The following CPSF3 variants were observed in gnomAD, a reference collection of about 807,000 sequenced individuals.
The protein encoded by CPSF3 is cleavage and polyadenylation specificity factor subunit 3.
Under a neutral mutation model 84.1 loss-of-function variants are expected in CPSF3, and 57 were observed. The observed-to-expected ratio is 0.68, with a 90% CI of 0.55 to 0.85. CPSF3 has a LOEUF of 0.85. CPSF3 is among the 40% of genes least tolerant of loss of function. The probability of loss-of-function intolerance (pLI) is 0.00; values close to 1 mark genes in which losing one functional copy is unlikely to be tolerated. For synonymous variants in CPSF3, 275 were observed against 278.1 expected, an observed-to-expected ratio of 0.99 and a Z score of 0.11; for missense variants, 522 against 838.8, an observed-to-expected ratio of 0.62 and a Z score of 4.66.
At chr2:9,429,041 C>G (rs1329890770) in intron 2 of CPSF3, among the ~76,000 whole-genome samples, 1 of 152,204 alleles carries the variant, frequency 6.6e-6, no homozygotes, top group African/African-American at 2.4e-5. Context: ...GTAAAATTGT[C>G]AGCTAGATCT....
chr2:9,453,470 CA>C (rs1681404143), intron 12 of CPSF3, among the ~76,000 whole-genome samples: 2 of 152,044 alleles, frequency 1.3e-5, no homozygotes, highest in South Asian at 2.1e-4. Context: ...TCTTTAAAAG[CA>C]AAAAAGTATT....
intron 15 of CPSF3, among the ~76,000 whole-genome samples, chr2:9,464,069 A>ATG (rs59473921): frequency 0.074 from 11,028 of 149,166 alleles, 1,219 homozygotes; most frequent in African/African-American, 0.24. Flanking sequence ...TCTGTGGTGT[A>ATG]TGTGTGTGTG....
chr2:9,428,686 A>G lies in CPSF3; in HGVS notation c.51-79A>G, dbSNP rs572116806. 6 of 937,342 alleles carry G rather than the reference A, an allele frequency of 6.4e-6. No individual in the cohort carries two copies. The Admixed American group carries it at 8.0e-5, about 12-fold the overall frequency. 58.1% of individuals were successfully genotyped at this position (937,342 alleles called of 1,614,324 possible). On this transcript the variant is annotated intron_variant, in intron 1 of 17. Coordinates refer to ENST00000238112, the MANE Select transcript of CPSF3 (RefSeq NM_016207.4). ...TGTCATCAGATGGCATGTAGTGTAC[A>G]TTGTAAAAAAGTGTAAGTTTATTGG...
rs939032759 is a variant in CPSF3, at chr2:9,446,463, C to T, written c.1243-1735C>T. On this transcript the variant is annotated intron_variant, in intron 10 of 17. Coordinates refer to ENST00000238112, the MANE Select transcript of CPSF3 (RefSeq NM_016207.4). ...GGGTGTGGTGGCAGGTGCCTGTAGT[C>T]CCAGCTACTCGGGAGGCCGAGGCAG... 3.9e-5 allele frequency among the ~76,000 whole-genome samples: 6 copies of T among 152,088 alleles called. 1 individual carries two copies. In the South Asian group the frequency reaches 6.2e-4, roughly 16 times the overall value.
chr2:9,436,481 T>TA, intron 7 of CPSF3, 120 bp downstream of exon 7: 3 of 1,194,506 alleles, frequency 2.5e-6, no homozygotes, highest in Non-Finnish European at 3.4e-6. Context: ...CATTTAAAAA[T>TA]AGAGATTTGG....
At chr2:9,443,687 T>A in intron 10 of CPSF3, 26 bp downstream of exon 10, 1 of 1,604,804 alleles carries the variant, frequency 6.2e-7, no homozygotes, top group Non-Finnish European at 8.5e-7. Flanking sequence ...TCATTTATTG[T>A]ATTAAAGGGA....
intron 1 of CPSF3, among the ~76,000 whole-genome samples, chr2:9,425,572 C>CAGCCACAAAAGG (rs1168741770): frequency 6.6e-6 from 1 of 151,998 alleles, no homozygotes; most frequent in Non-Finnish European, 1.5e-5. Flanking sequence ...TCAGCTGTAT[C>CAGCCACAAAAGG]TGGAAGGGTG....
At chr2:9,471,279 A>ATT in intron 16 of CPSF3, 64 bp from the exon 17 acceptor site, 3 of 988,312 alleles carry the variant, frequency 3.0e-6, no homozygotes, top group Non-Finnish European at 4.9e-6. Flanking sequence ...CTTCAGTTTT[A>ATT]TTTTTTCCTC....
chr2:9,442,027 G>A (rs768695934), intron 9 of CPSF3, 51 bp downstream of exon 9: 3 of 1,581,348 alleles, frequency 1.9e-6, no homozygotes, highest in Non-Finnish European at 2.6e-6. Flanking sequence ...AATCACGGAG[G>A]TGGCACGGTC....
intron 15 of CPSF3, among the ~76,000 whole-genome samples, chr2:9,466,273 CGCACACACGTGCGCACACAGACGCAT>C (rs1681931843): frequency 6.7e-5 from 3 of 44,816 alleles, no homozygotes; most frequent in Non-Finnish European, 2.4e-4. Context: ...CAAAGACGCA[CGCACACACGTGCGCACACAGACGCAT>C]GCACACGCAC....
rs543166583 is a variant in CPSF3 at position 9,423,658 on chromosome 2, G to C, written c.-116G>C. ...TGCCGCGGGCTCCGGAGTGACGGAA[G>C]TTGTGCTCTTGGTGAATGGGGTTCT... is the stretch of plus-strand genomic sequence containing the variant. On this transcript the variant is annotated 5_prime_UTR_variant, in exon 1 of 18. Coordinates refer to ENST00000238112, the MANE Select transcript of CPSF3 (RefSeq NM_016207.4). 177 of 1,369,222 alleles carry C rather than the reference G, an allele frequency of 1.3e-4. No individual in the cohort carries two copies. The African/African-American group carries it at 2.1e-3, about 16-fold the overall frequency. The allele number at this position is 1,369,222 out of a possible 1,614,324, so 84.8% of individuals were successfully genotyped here. A position where few individuals can be genotyped will look rare whatever the true frequency, so the allele number is the denominator to read the frequency against.
intron 5 of CPSF3, among the ~76,000 whole-genome samples, chr2:9,433,632 A>T (rs1306490631): frequency 1.3e-5 from 2 of 152,132 alleles, no homozygotes; most frequent in African/African-American, 2.4e-5. Flanking sequence ...ATAGGTTATC[A>T]TTGTGAGATG....
At chr2:9,459,703 G>A in intron 15 of CPSF3, 85 bp downstream of exon 15, 2 of 619,076 alleles carry the variant, frequency 3.2e-6, no homozygotes, top group South Asian at 2.0e-5. Flanking sequence ...AGGCTGGAGT[G>A]CAGTGGCACG....
At chr2:9,436,672 T>C (rs1007166675) in intron 7 of CPSF3, among the ~76,000 whole-genome samples, 1 of 151,874 alleles carries the variant, frequency 6.6e-6, no homozygotes, top group African/African-American at 2.4e-5. Context: ...CTCAGGAGGC[T>C]GAGGCAGAGA....
At chr2:9,444,156 A>ATT (rs1455536114) in intron 10 of CPSF3, among the ~76,000 whole-genome samples, 81 of 134,852 alleles carry the variant, frequency 6.0e-4, no homozygotes, top group African/African-American at 2.3e-3. Context: ...ATATATATAT[A>ATT]TATTTTTTTT....
chr2:9,423,710 C>T lies in CPSF3; in HGVS notation c.-64C>T, dbSNP rs559426327. 2.5e-6 allele frequency: 4 copies of T among 1,588,072 alleles called. No individual in the cohort carries two copies. In the East Asian group the frequency reaches 9.1e-5, roughly 36 times the overall value. On this transcript the variant is annotated 5_prime_UTR_variant, in exon 1 of 18. Coordinates refer to ENST00000238112, the MANE Select transcript of CPSF3 (RefSeq NM_016207.4). The stretch of plus-strand genomic sequence containing the variant: ...CCTTTTTTATTTACCGGTGGCTGTG[C>T]TTCCAATTTAGGAAGACCCCGGCGA...
At chr2:9,458,286 C>T (rs1451798228) in intron 14 of CPSF3, among the ~76,000 whole-genome samples, 1 of 152,048 alleles carries the variant, frequency 6.6e-6, no homozygotes, top group Non-Finnish European at 1.5e-5. Flanking sequence ...CACCTAAAAT[C>T]CCAACTACTT....
At position 9,431,767 on chromosome 2, in the gene CPSF3, T is replaced by C. The variant is rs1271225044; in HGVS notation, c.342-744T>C. 1.2e-4 allele frequency among the ~76,000 whole-genome samples: 19 copies of C among 152,046 alleles called. No homozygotes were observed. In the South Asian group the frequency reaches 3.5e-3, roughly 28 times the overall value. ...GGTTTTACCATGTTGGCCAGCCTGGTCTTGAACTCCTGACCTCAGGTGATC... is the reference window on the plus strand; with the variant it reads ...GGTTTTACCATGTTGGCCAGCCTGGCCTTGAACTCCTGACCTCAGGTGATC... On this transcript the variant is annotated intron_variant, in intron 4 of 17. Coordinates refer to ENST00000238112, the MANE Select transcript of CPSF3 (RefSeq NM_016207.4).
At chr2:9,430,908 A>T in intron 4 of CPSF3, 28 bp downstream of exon 4, 1 of 1,597,406 alleles carries the variant, frequency 6.3e-7, no homozygotes, top group Non-Finnish European at 8.6e-7. Context: ...ATTATACACG[A>T]CTTTGGCTCT....
Sources: allele counts gnomAD v4.1 joint callset (sites outside exome capture counted in the v4.1 genomes callset), GRCh38; gene constraint gnomAD v4.1.1; transcripts MANE v1.5; gene names NCBI Gene and HGNC (gene_info 2026-07-23, HGNC 2026-07-21).